Variants in NSD1 observed in about 807,000 individuals in gnomAD.
NSD1 encodes the protein nuclear receptor binding SET domain protein 1, also known as histone-lysine N-methyltransferase, H3 lysine-36 specific.
Under a neutral mutation model 242.7 loss-of-function variants are expected in NSD1, and 26 were observed. That is an observed-to-expected ratio of 0.11 (90% CI 0.08 to 0.15). The LOEUF is 0.15. NSD1 is among the 10% of genes least tolerant of loss of function. The pLI is 1.00. For synonymous variants in NSD1, 1,106 were observed against 1,178.1 expected (o/e 0.94, Z 1.25); for missense variants, 2,495 against 3,272.8 (o/e 0.76, Z 5.80).
At chr5:177,171,855 T>C (rs1052043899) in intron 2 of NSD1, among the ~76,000 whole-genome samples, 1 of 152,272 alleles carries the variant, frequency 6.6e-6, no homozygotes, top group African/African-American at 2.4e-5. Flanking sequence ...CCATTTGTGA[T>C]GGACATTTGA....
At chr5:177,152,000 A>G (rs1331910488) in intron 2 of NSD1, among the ~76,000 whole-genome samples, 1 of 151,922 alleles carries the variant, frequency 6.6e-6, no homozygotes, top group Non-Finnish European at 1.5e-5. Flanking sequence ...AACTGGGACC[A>G]CAGGTGCCCG....
intron 3 of NSD1, among the ~76,000 whole-genome samples, chr5:177,199,433 T>A (rs1179171618): frequency 7.2e-5 from 11 of 152,070 alleles, no homozygotes; most frequent in Admixed American, 7.2e-4. Context: ...AATTTTTAAA[T>A]TTTTTTATAG....
chr5:177,135,352 T>G lies in NSD1; in HGVS notation c.249T>G (p.Asn83Lys). 6.2e-7 allele frequency: 1 copy of G among 1,612,380 alleles called. No homozygotes were observed. The highest frequency in any genetic ancestry group is 1.1e-5 in the South Asian group (1 of 91,076). The change falls in exon 2 of 23, where the codon AAT becomes AAG. Residue 83 changes from asparagine (N) to lysine (K), a missense_variant. Physicochemically the swap from Asn to Lys is moderately conservative, Grantham distance 94. Transcript: ENST00000439151. Reference protein sequence around the residue: ...RRLQDLASMINVEYLNGSADG... With the variant: ...RRLQDLASMIKVEYLNGSADG... Reference sequence around the variant, plus strand: ...TACAGGATTTGGCCTCCATGATCAATGTAGAGTATTTAAATGGGTCTGCTG... The same window carrying G: ...TACAGGATTTGGCCTCCATGATCAAGGTAGAGTATTTAAATGGGTCTGCTG...
chr5:177,237,094 C>T (rs747270944), intron 6 of NSD1, among the ~76,000 whole-genome samples: 21 of 152,156 alleles, frequency 1.4e-4, no homozygotes, highest in Non-Finnish European at 2.8e-4. Context: ...CTTTCTGCCT[C>T]AGCCTCCCAG....
intron 2 of NSD1, 104 bp from the exon 3 acceptor site, chr5:177,191,780 C>T: frequency 1.6e-6 from 2 of 1,218,748 alleles, no homozygotes; most frequent in South Asian, 1.3e-5. Context: ...TGTTTTCATT[C>T]TCAATTTTTC....
chr5:177,153,980 T>C (rs1757927563), intron 2 of NSD1, among the ~76,000 whole-genome samples: 1 of 152,112 alleles, frequency 6.6e-6, no homozygotes, highest in African/African-American at 2.4e-5. Context: ...TAAGGAATCA[T>C]GGAGTGGCTT....
At chr5:177,143,206 T>G (rs1756966842) in intron 2 of NSD1, among the ~76,000 whole-genome samples, 1 of 152,198 alleles carries the variant, frequency 6.6e-6, no homozygotes, top group African/African-American at 2.4e-5. Flanking sequence ...GTTGGTTTTT[T>G]TTCTTTTTTC....
chr5:177,242,854 T>C (rs1442607638), intron 8 of NSD1, among the ~76,000 whole-genome samples: 1 of 152,148 alleles, frequency 6.6e-6, no homozygotes, highest in Non-Finnish European at 1.5e-5. Flanking sequence ...ATGCTAACTT[T>C]TTGTGACCAC....
chr5:177,198,248 ACTC>A (rs1762250029), intron 3 of NSD1, among the ~76,000 whole-genome samples: 1 of 151,704 alleles, frequency 6.6e-6, no homozygotes, highest in Admixed American at 6.6e-5. Context: ...CTGGTCTTGA[ACTC>A]CTGGCCTTAA....
At chr5:177,218,712 C>T (rs145971003) in intron 5 of NSD1, among the ~76,000 whole-genome samples, 6 of 151,802 alleles carry the variant, frequency 4.0e-5, no homozygotes, top group African/African-American at 1.2e-4. Context: ...GGACTACAGG[C>T]GCCCCCCACC....
chr5:177,144,720 G>C (rs1757093589), intron 2 of NSD1, among the ~76,000 whole-genome samples: 1 of 152,124 alleles, frequency 6.6e-6, no homozygotes, highest in African/African-American at 2.4e-5. Flanking sequence ...AGTTACTTTT[G>C]AATCTAATTT....
intron 2 of NSD1, among the ~76,000 whole-genome samples, chr5:177,136,674 A>G (rs1581094992): frequency 6.6e-6 from 1 of 151,266 alleles, no homozygotes; most frequent in Non-Finnish European, 1.5e-5. Context: ...GATCACTGCA[A>G]CCTCTGCCTC....
chr5:177,191,784 A>G, intron 2 of NSD1, 100 bp from the exon 3 acceptor site: 1 of 1,282,262 alleles, frequency 7.8e-7, no homozygotes, highest in Non-Finnish European at 1.1e-6. Context: ...TTCATTCTCA[A>G]TTTTTCATAC....
chr5:177,175,020 C>G (rs537226614), intron 2 of NSD1, among the ~76,000 whole-genome samples: 2 of 151,658 alleles, frequency 1.3e-5, no homozygotes, highest in Non-Finnish European at 2.9e-5. Flanking sequence ...TACAGGCACC[C>G]GCCACCACGC....
Position 177,238,750 on chromosome 5 carries a change from T to G in NSD1, c.4192+243T>G, listed in dbSNP as rs997076058. 5.3e-5 allele frequency among the ~76,000 whole-genome samples: 8 copies of G among 152,230 alleles called. No individual in the cohort carries two copies. Among genetic ancestry groups the G allele is most frequent in the Non-Finnish European group, 1.2e-4 (8 of 68,042 alleles). ...TTGCTCCAGTGTTGCTCTTCATGAT[T>G]GTTGATCAGCCACTGTGTAAATTAA... On this transcript the variant is annotated intron_variant, in intron 7 of 22. Transcript: ENST00000439151. This position sits in a 1 kb window ranked among gnomAD's most constrained non-coding sequence, Gnocchi z 4.6.
intron 5 of NSD1, among the ~76,000 whole-genome samples, chr5:177,222,337 C>T (rs1417536341): frequency 1.3e-5 from 2 of 152,090 alleles, no homozygotes; most frequent in Non-Finnish European, 2.9e-5. Flanking sequence ...CCATGTTGAC[C>T]AGTTTTTATT....
At chr5:177,163,232 T>A (rs561207762) in intron 2 of NSD1, among the ~76,000 whole-genome samples, 1 of 149,272 alleles carries the variant, frequency 6.7e-6, no homozygotes, top group Admixed American at 6.8e-5. Context: ...AACGTCCACC[T>A]ACTGGGTTCA....
Position 177,152,541 on chromosome 5 carries a change from G to C in NSD1, c.927+16511G>C, listed in dbSNP as rs144972506. ...GTCGCCAGGTTCACTGCAAGCTCTGGCTCCCGGGTTCACGCCATTCTCCTG... is the reference window on the plus strand; with the variant it reads ...GTCGCCAGGTTCACTGCAAGCTCTGCCTCCCGGGTTCACGCCATTCTCCTG... On this transcript the variant is annotated intron_variant, in intron 2 of 22. Coordinates refer to ENST00000439151, the MANE Select transcript of NSD1 (RefSeq NM_022455.5). Among the ~76,000 whole-genome samples the C allele has an allele frequency of 1.8e-3, 261 of 143,202 alleles. 9 individuals are homozygous for C. The East Asian group carries it at 0.043, about 23-fold the overall frequency. 93.9% of individuals were successfully genotyped at this position (143,202 alleles called of 152,430 possible). A position where few individuals can be genotyped will look rare whatever the true frequency, so the allele number is the denominator to read the frequency against.
intron 10 of NSD1, 41 bp from the exon 11 acceptor site, chr5:177,248,140 A>G (rs1234605219): frequency 1.9e-6 from 3 of 1,611,632 alleles, no homozygotes; most frequent in Non-Finnish European, 2.5e-6. Flanking sequence ...TGGAAGAGAC[A>G]TCAATAATAC....
Sources: gnomAD v4.1 joint callset for allele counts (sites outside exome capture counted in the v4.1 genomes callset) on GRCh38, gnomAD v4.1.1 for gene constraint, Gnocchi (gnomAD v3.1) non-coding constraint, MANE v1.5 for transcripts, NCBI Gene and HGNC (gene_info 2026-07-23, HGNC 2026-07-21) for gene names.